CNTNAP5: variants seen among roughly 807,000 people sequenced by gnomAD.
The protein encoded by CNTNAP5 is contactin-associated protein-like 5.
CNTNAP5 carries 72 observed loss-of-function variants against 150.2 expected under a neutral mutation model. The ratio of observed to expected loss-of-function variants is 0.48; its 90% CI spans 0.40 to 0.58. CNTNAP5 has a LOEUF of 0.58. Ranked by LOEUF, CNTNAP5 falls within the 20% of genes least tolerant of loss-of-function variation. CNTNAP5 has a pLI of 0.00. For missense variants in CNTNAP5, 1,636 were observed against 1,626.2 expected, an observed-to-expected ratio of 1.01 and a Z score of -0.10; for synonymous variants, 672 against 619.8, an observed-to-expected ratio of 1.08 and a Z score of -1.25.
At chr2:124,741,698 A>C (rs1680500389) in intron 13 of CNTNAP5, among the ~76,000 whole-genome samples, 1 of 152,154 alleles carries the variant, frequency 6.6e-6, no homozygotes, top group Admixed American at 6.6e-5. Flanking sequence ...CATTAGCAAA[A>C]TCCCTAGACT....
intron 1 of CNTNAP5, among the ~76,000 whole-genome samples, chr2:124,081,107 T>A (rs114270469): frequency 0.013 from 2,007 of 152,286 alleles, 47 homozygotes; most frequent in African/African-American, 0.045. Context: ...ATTAGGTGTA[T>A]GTTAATGGAG....
intron 2 of CNTNAP5, among the ~76,000 whole-genome samples, chr2:124,230,645 T>C (rs1413086442): frequency 6.6e-6 from 1 of 151,714 alleles, no homozygotes; most frequent in African/African-American, 2.4e-5. Context: ...AATTCTCCTG[T>C]CTCAGCCTCC....
intron 17 of CNTNAP5, among the ~76,000 whole-genome samples, chr2:124,784,617 C>T (rs190980317): frequency 2.0e-5 from 3 of 152,220 alleles, no homozygotes; most frequent in Non-Finnish European, 4.4e-5. Flanking sequence ...TAAATGCATG[C>T]TGGTATATTA....
At chr2:124,360,631 T>C (rs1226988446) in intron 3 of CNTNAP5, among the ~76,000 whole-genome samples, 1 of 136,434 alleles carries the variant, frequency 7.3e-6, no homozygotes, top group African/African-American at 2.7e-5. Flanking sequence ...ATGTTGAATA[T>C]TGGCCCCCTC....
intron 11 of CNTNAP5, among the ~76,000 whole-genome samples, chr2:124,566,136 C>T (rs545334940): frequency 0.13 from 19,410 of 152,090 alleles, 1,510 homozygotes; most frequent in East Asian, 0.26. Context: ...AGAAATGTTG[C>T]AGGACCCCCA....
rs1348284234 is a variant in CNTNAP5 at position 124,747,255 on chromosome 2, G to C, written c.2104G>C (p.Gly702Arg). Residue 702 changes from glycine to arginine, a missense_variant, in exon 14 of 24, where the codon GGG becomes CGG. By Grantham distance (125) the Gly-to-Arg change is moderately radical. Transcript: ENST00000682447. ...TGGAACACCATTTACCTGGTGGATT[G>C]GGCGGTCCAATGAAAGGCACCCTTA... ...PDGTPFTWWI[G>R]RSNERHPYWG... The C allele has an allele frequency of 6.2e-7, 1 of 1,613,490 alleles. No individual in the cohort carries two copies. Among genetic ancestry groups the C allele is most frequent in the Non-Finnish European group, 8.5e-7 (1 of 1,179,718 alleles).
intron 3 of CNTNAP5, among the ~76,000 whole-genome samples, chr2:124,314,514 T>C (rs1353553376): frequency 1.3e-5 from 2 of 152,162 alleles, no homozygotes; most frequent in African/African-American, 4.8e-5. Context: ...ATGTGGATAA[T>C]GGATTTAGGG....
chr2:124,473,116 A>G (rs1045059048), intron 6 of CNTNAP5, among the ~76,000 whole-genome samples: 11 of 152,220 alleles, frequency 7.2e-5, no homozygotes, highest in Admixed American at 2.0e-4. Context: ...AAAACAATTC[A>G]TATACAATGG....
intron 3 of CNTNAP5, among the ~76,000 whole-genome samples, chr2:124,349,909 G>A (rs1290374904): frequency 3.5e-4 from 28 of 79,376 alleles, no homozygotes; most frequent in Non-Finnish European, 5.2e-4. Flanking sequence ...TTTTGAGACA[G>A]AGTCTAACTA....
At chr2:124,518,359 C>T (rs576544829) in intron 8 of CNTNAP5, among the ~76,000 whole-genome samples, 2 of 152,150 alleles carry the variant, frequency 1.3e-5, no homozygotes, top group East Asian at 3.8e-4. Flanking sequence ...CATAAGTAGA[C>T]ATCCTGAGAA....
At chr2:124,321,273 G>A (rs114526125) in intron 3 of CNTNAP5, among the ~76,000 whole-genome samples, 2,518 of 151,968 alleles carry the variant, frequency 0.017, 78 homozygotes, top group African/African-American at 0.058. Context: ...GAAAGCCCCC[G>A]TCTCTACTAA....
Position 124,378,681 on chromosome 2 carries a change from C to T in CNTNAP5, c.382-38762C>T, listed in dbSNP as rs181177243. Among the ~76,000 whole-genome samples the T allele has an allele frequency of 2.9e-3, 445 of 152,172 alleles. 3 individuals carry two copies. Among genetic ancestry groups the T allele is most frequent in the Middle Eastern group, 0.02 (6 of 294 alleles). On this transcript the variant is annotated intron_variant, in intron 3 of 23. Coordinates refer to ENST00000682447, the MANE Select transcript of CNTNAP5 (RefSeq NM_001367498.1). ...ATGGTCGTAAACTTATCTTGACATACTTTTATGAGAATATTTATGGGATGT... is the reference window on the plus strand; with the variant it reads ...ATGGTCGTAAACTTATCTTGACATATTTTTATGAGAATATTTATGGGATGT...
At chr2:124,585,921 A>G (rs538972971) in intron 11 of CNTNAP5, among the ~76,000 whole-genome samples, 216 of 152,232 alleles carry the variant, frequency 1.4e-3, no homozygotes, top group African/African-American at 5.0e-3. Flanking sequence ...TCAACTCTCA[A>G]CAACAGTATC....
chr2:124,809,606 A>G (rs59173247), intron 19 of CNTNAP5, among the ~76,000 whole-genome samples: 3,163 of 151,956 alleles, frequency 0.021, 109 homozygotes, highest in African/African-American at 0.072. Context: ...CCTGGCAAAC[A>G]ATGAGAAATA....
intron 3 of CNTNAP5, among the ~76,000 whole-genome samples, chr2:124,353,594 T>C (rs2104704676): frequency 1.3e-5 from 2 of 152,262 alleles, no homozygotes; most frequent in Middle Eastern, 6.8e-3. Flanking sequence ...GAATTTGTAT[T>C]ATCCTCTCTC....
intron 21 of CNTNAP5, among the ~76,000 whole-genome samples, chr2:124,889,035 G>A (rs1240424876): frequency 7.7e-6 from 1 of 130,390 alleles, no homozygotes; most frequent in African/African-American, 2.9e-5. Flanking sequence ...CTGAAATGGT[G>A]TTCCTAGCTT....
intron 3 of CNTNAP5, among the ~76,000 whole-genome samples, chr2:124,370,304 GA>G (rs58623773): frequency 0.035 from 5,369 of 152,232 alleles, 150 homozygotes; most frequent in Non-Finnish European, 0.042. Context: ...AGGAAGAAGA[GA>G]AAGGGTTGCA....
intron 3 of CNTNAP5, among the ~76,000 whole-genome samples, chr2:124,245,685 AAATATATATAT>A (rs1687001763): frequency 6.6e-6 from 1 of 150,578 alleles, no homozygotes; most frequent in African/African-American, 2.4e-5. Context: ...ATATACACAC[AAATATATATAT>A]ACACACAAAT....
intron 10 of CNTNAP5, among the ~76,000 whole-genome samples, chr2:124,550,948 T>C (rs961413657): frequency 6.6e-6 from 1 of 152,174 alleles, no homozygotes; most frequent in Non-Finnish European, 1.5e-5. Context: ...GTATGCATGA[T>C]GCTGATACAT....
Sources: gnomAD v4.1 joint callset for allele counts (sites outside exome capture counted in the v4.1 genomes callset) on GRCh38, gnomAD v4.1.1 for gene constraint, MANE v1.5 for transcripts, NCBI Gene and HGNC (gene_info 2026-07-23, HGNC 2026-07-21) for gene names.